The following TAFA5 variants were observed in gnomAD, a reference collection of about 807,000 sequenced individuals.
TAFA5 encodes the protein chemokine-like protein TAFA-5.
Under a neutral mutation model 15.3 loss-of-function variants are expected in TAFA5, and 6 were observed. The ratio of observed to expected loss-of-function variants is 0.39; its 90% CI spans 0.21 to 0.77. The LOEUF is 0.77. TAFA5 is among the 30% of genes least tolerant of loss of function. The pLI, the probability that TAFA5 is intolerant of heterozygous loss-of-function variation, is 0.41. For synonymous variants in TAFA5, 103 were observed against 80.7 expected (o/e 1.28, Z -1.48); for missense variants, 161 against 193.1 (o/e 0.83, Z 0.98).
intron 1 of TAFA5, among the ~76,000 whole-genome samples, chr22:48,553,291 T>G (rs1305385960): frequency 6.6e-6 from 1 of 152,180 alleles, no homozygotes; most frequent in Admixed American, 6.5e-5. Flanking sequence ...CTCTGTGCGA[T>G]GGACAGTGGT....
At chr22:48,640,146 G>T (rs1019633612) in intron 1 of TAFA5, among the ~76,000 whole-genome samples, 23 of 152,334 alleles carry the variant, frequency 1.5e-4, no homozygotes, top group African/African-American at 4.8e-4. Context: ...TGGCTCTGCA[G>T]GCCTTAGGCT....
At chr22:48,672,021 A>G (rs974279456) in intron 2 of TAFA5, among the ~76,000 whole-genome samples, 6 of 152,218 alleles carry the variant, frequency 3.9e-5, no homozygotes, top group Admixed American at 2.0e-4. Context: ...TGGTTTGTAA[A>G]GGGTGTTTGT....
intron 1 of TAFA5, among the ~76,000 whole-genome samples, chr22:48,588,809 G>C (rs944503770): frequency 2.6e-5 from 4 of 152,120 alleles, no homozygotes; most frequent in Non-Finnish European, 5.9e-5. Flanking sequence ...GGGAAGACCC[G>C]TCCCCGAGAC....
chr22:48,750,272 CCA>C lies in TAFA5; in HGVS notation c.*426_*427del, dbSNP rs1930448167. 1 of 231,950 alleles carries C rather than the reference CCA, an allele frequency of 4.3e-6. No individual in the cohort carries two copies. Among genetic ancestry groups the C allele is most frequent in the African/African-American group, 2.3e-5 (1 of 43,792 alleles). 14.4% of individuals were successfully genotyped at this position (231,950 alleles called of 1,614,324 possible). A position where few individuals can be genotyped will look rare whatever the true frequency, so the allele number is the denominator to read the frequency against. On this transcript the variant is annotated 3_prime_UTR_variant, in exon 4 of 4. Coordinates refer to ENST00000402357, the MANE Select transcript of TAFA5 (RefSeq NM_001082967.3). ...CACAGAAGCGGCCTCCTCCCGTGCC[CCA>C]GACTGTCCGAATTGCTTTTATTTTC...
chr22:48,656,416 G>T (rs1380937049), intron 2 of TAFA5, among the ~76,000 whole-genome samples: 1 of 151,866 alleles, frequency 6.6e-6, no homozygotes, highest in Non-Finnish European at 1.5e-5. Context: ...TGAGGCAGGA[G>T]AATTGCTTGA....
intron 3 of TAFA5, among the ~76,000 whole-genome samples, chr22:48,715,412 A>G (rs1226034494): frequency 6.6e-6 from 1 of 152,108 alleles, no homozygotes; most frequent in Non-Finnish European, 1.5e-5. Flanking sequence ...GCTCAGCCTC[A>G]GAGACAGCGG....
intron 1 of TAFA5, among the ~76,000 whole-genome samples, chr22:48,642,188 C>T (rs1926707574): frequency 6.6e-6 from 1 of 152,182 alleles, no homozygotes; most frequent in African/African-American, 2.4e-5. Flanking sequence ...GCGGCCTGCG[C>T]TTTGCTGAGG....
chr22:48,606,546 C>G (rs1373192702), intron 1 of TAFA5, among the ~76,000 whole-genome samples: 1 of 152,214 alleles, frequency 6.6e-6, no homozygotes. Flanking sequence ...GGAGTGGCTA[C>G]TAGAGTGGTG....
At chr22:48,682,196 G>A (rs1928212743) in intron 2 of TAFA5, among the ~76,000 whole-genome samples, 1 of 152,172 alleles carries the variant, frequency 6.6e-6, no homozygotes, top group Non-Finnish European at 1.5e-5. Flanking sequence ...TAGACCAGCA[G>A]CTGGCAGGAA....
intron 1 of TAFA5, among the ~76,000 whole-genome samples, chr22:48,506,936 C>T (rs1921012098): frequency 6.6e-6 from 1 of 152,214 alleles, no homozygotes; most frequent in Admixed American, 6.5e-5. Flanking sequence ...TGATTTGGAG[C>T]CTGCAGAAGG....
chr22:48,515,689 A>G (rs530930960), intron 1 of TAFA5, among the ~76,000 whole-genome samples: 4 of 152,172 alleles, frequency 2.6e-5, no homozygotes, highest in Non-Finnish European at 4.4e-5. Flanking sequence ...CCAATGCCCA[A>G]TGCAAGCGGG....
intron 2 of TAFA5, among the ~76,000 whole-genome samples, chr22:48,655,200 C>T (rs746203358): frequency 2.0e-5 from 3 of 152,174 alleles, no homozygotes; most frequent in Non-Finnish European, 4.4e-5. Context: ...CTGGCTGCTC[C>T]TGGAGCAAAC....
At chr22:48,541,721 G>A (rs1922381055) in intron 1 of TAFA5, among the ~76,000 whole-genome samples, 1 of 152,190 alleles carries the variant, frequency 6.6e-6, no homozygotes, top group Non-Finnish European at 1.5e-5. Flanking sequence ...TTGGCTCTGG[G>A]CTCAAGTCCT....
intron 1 of TAFA5, among the ~76,000 whole-genome samples, chr22:48,525,231 G>C (rs1921739320): frequency 6.6e-6 from 1 of 152,162 alleles, no homozygotes; most frequent in Admixed American, 6.5e-5. Flanking sequence ...ATTAGGAGAT[G>C]AGCTTCTTTG....
At chr22:48,694,680 C>T (rs1241752693) in intron 2 of TAFA5, among the ~76,000 whole-genome samples, 1 of 152,108 alleles carries the variant, frequency 6.6e-6, no homozygotes, top group African/African-American at 2.4e-5. Flanking sequence ...TCTCTGTGTC[C>T]CCGGGCCACA....
intron 1 of TAFA5, chr22:48,545,122 G>C (rs1922616410): frequency 2.9e-6 from 1 of 348,118 alleles, no homozygotes; most frequent in African/African-American, 2.1e-5. Flanking sequence ...CGAGTCTTCA[G>C]GTTTGGAGAA....
chr22:48,661,683 C>T (rs1046172769), intron 2 of TAFA5, among the ~76,000 whole-genome samples: 11 of 152,222 alleles, frequency 7.2e-5, no homozygotes, highest in Non-Finnish European at 1.2e-4. Flanking sequence ...CTCGTTCCCC[C>T]ACCCTCCTGG....
At chr22:48,517,911 A>C (rs1344322335) in intron 1 of TAFA5, among the ~76,000 whole-genome samples, 1 of 152,194 alleles carries the variant, frequency 6.6e-6, no homozygotes, top group Admixed American at 6.5e-5. Flanking sequence ...AGTGGCGCTC[A>C]CATGTGACGG....
chr22:48,621,980 G>T (rs1925853888), intron 1 of TAFA5, among the ~76,000 whole-genome samples: 1 of 152,182 alleles, frequency 6.6e-6, no homozygotes, highest in Admixed American at 6.5e-5. Flanking sequence ...TCGCTGGCTA[G>T]TGAGGCTGAG....
Sources: allele counts gnomAD v4.1 joint callset (sites outside exome capture counted in the v4.1 genomes callset), GRCh38; gene constraint gnomAD v4.1.1; transcripts MANE v1.5; gene names NCBI Gene and HGNC (gene_info 2026-07-23, HGNC 2026-07-21).